The following NEBL variants were observed in gnomAD, a reference collection of about 807,000 sequenced individuals.
NEBL encodes the protein nebulette.
NEBL carries 122 observed loss-of-function variants against 140.2 expected under a neutral mutation model. The observed-to-expected ratio is 0.87, with a 90% confidence interval of 0.75 to 1.01. NEBL has a LOEUF of 1.01. Ranked by LOEUF, NEBL falls within the 50% of genes least tolerant of loss-of-function variation. The pLI is 0.00. For missense variants in NEBL, 1,365 were observed against 1,231.3 expected, an observed-to-expected ratio of 1.11 and a Z score of -1.62; for synonymous variants, 436 against 398.9, an observed-to-expected ratio of 1.09 and a Z score of -1.11.
rs181733735 is a variant in NEBL, at chr10:20,909,632, T to C, written c.357+52040A>G. On this transcript the variant is annotated intron_variant, in intron 4 of 6. Coordinates refer to the NEBL transcript ENST00000417816. ...GAATATAGTAAATGCTAATTGAAAA[T>C]AGTATTATAGTAGTGACTTTTATAC... Among the ~76,000 whole-genome samples, 12 of 152,302 alleles carry C rather than the reference T, an allele frequency of 7.9e-5. 1 individual carries two copies. Among genetic ancestry groups the C allele is most frequent in the African/African-American group, 2.6e-4 (11 of 41,578 alleles).
In NEBL at chr10:20,889,975, G is replaced by T. The variant is rs189605629; in HGVS notation, c.154-26C>A. On this transcript the variant is annotated intron_variant, in intron 2 of 27. Transcript: ENST00000377122. ...CTAAAAAAGAGAATGATTTACATAA[G>T]AAGAGAAAAAGAAAAACAATTCTAA... 6.9e-6 allele frequency: 10 copies of T among 1,455,922 alleles called. No homozygotes were observed. The African/African-American group carries it at 9.8e-5, about 14-fold the overall frequency. 90.2% of individuals were successfully genotyped at this position (1,455,922 alleles called of 1,614,324 possible).
chr10:21,093,382 G>C (rs1837016171), intron 2 of NEBL, among the ~76,000 whole-genome samples: 1 of 152,094 alleles, frequency 6.6e-6, no homozygotes, highest in Admixed American at 6.6e-5. Context: ...GGAGAAGGGA[G>C]ACTGTCATCT....
intron 2 of NEBL, among the ~76,000 whole-genome samples, chr10:21,102,300 T>C (rs928775744): frequency 6.6e-6 from 1 of 152,192 alleles, no homozygotes; most frequent in Middle Eastern, 3.2e-3. Context: ...ATAATGCATA[T>C]ATTTAGAGTG....
In NEBL at chr10:20,888,167, G is replaced by C. The variant is rs1846693156; in HGVS notation, c.299C>G (p.Ser100Cys). 1.2e-6 allele frequency: 2 copies of C among 1,613,568 alleles called. No homozygotes were observed. Among genetic ancestry groups the C allele is most frequent in the African/African-American group, 2.7e-5 (2 of 74,828 alleles). ...TGTGGCTGGCATCCGCTTATAAAGAGAATTAGAAAGGTCAGCTTTAATGGT... is the reference window on the plus strand; with the variant it reads ...TGTGGCTGGCATCCGCTTATAAAGACAATTAGAAAGGTCAGCTTTAATGGT... ...KGTIKADLSNSLYKRMPATID... is the reference protein window; with the variant it reads ...KGTIKADLSNCLYKRMPATID... The change falls in exon 4 of 28, where the codon TCT becomes TGT. Residue 100 changes from serine (S) to cysteine (C), a missense_variant. Ser to Cys is a moderately radical substitution (Grantham distance 112, BLOSUM62 -1). This residue lies in a region of NEBL where 1,323 missense variants were observed against 1,154.8 expected (regional missense o/e 1.15). Transcript: ENST00000377122.
intron 3 of NEBL, among the ~76,000 whole-genome samples, chr10:21,000,673 G>T (rs1837857995): frequency 6.6e-6 from 1 of 152,126 alleles, no homozygotes; most frequent in African/African-American, 2.4e-5. Context: ...AATACTTACT[G>T]CAAACAGAAA....
chr10:20,895,323 A>T lies in NEBL; in HGVS notation c.153+1635T>A, dbSNP rs567111580. ...GGTAGCATTACTACTAATAATAGTA[A>T]CATAATAATAATAAGGCGAAGAACA... is the stretch of plus-strand genomic sequence containing the variant. On this transcript the variant is annotated intron_variant, in intron 2 of 27. Coordinates refer to ENST00000377122, the MANE Select transcript of NEBL (RefSeq NM_006393.3). 3.4e-3 allele frequency among the ~76,000 whole-genome samples: 520 copies of T among 151,848 alleles called. 2 individuals are homozygous for T. The highest frequency in any genetic ancestry group is 4.4e-3 in the African/African-American group (179 of 41,120).
intron 3 of NEBL, among the ~76,000 whole-genome samples, chr10:21,237,817 G>C (rs978380315): frequency 1.3e-5 from 2 of 151,894 alleles, no homozygotes; most frequent in African/African-American, 2.4e-5. Context: ...ATGTTGGCTG[G>C]GCTGGTCTCG....
At chr10:21,156,718 T>C (rs1840350623) in intron 2 of NEBL, among the ~76,000 whole-genome samples, 1 of 152,030 alleles carries the variant, frequency 6.6e-6, no homozygotes, top group African/African-American at 2.4e-5. Context: ...ATAAAAGAAG[T>C]TTTAAGAAAG....
intron 26 of NEBL, among the ~76,000 whole-genome samples, chr10:20,805,699 A>T (rs1245336556): frequency 6.6e-6 from 1 of 152,062 alleles, no homozygotes; most frequent in Non-Finnish European, 1.5e-5. Context: ...CTAAAAATAC[A>T]AAAATTAGCC....
chr10:20,808,531 T>A lies in NEBL; in HGVS notation c.2740A>T (p.Thr914Ser), dbSNP rs1369499702. 1 of 1,614,004 alleles carries A rather than the reference T, an allele frequency of 6.2e-7. No homozygotes were observed. ...YPSFSCCSEV[T>S]RPSDEGAPVL... ...ATACCTCCTTCATCAGACGGTCTTG[T>A]TACCTCACTGCAGCATGAAAAGCTA... The change falls in exon 26 of 28, where the codon ACA becomes TCA. Residue 914 changes from threonine (T) to serine (S), a missense_variant. By Grantham distance (58) the Thr-to-Ser change is moderately conservative (BLOSUM62 1). Transcript: ENST00000377122.
chr10:21,142,462 G>C (rs1839675071), intron 2 of NEBL, among the ~76,000 whole-genome samples: 1 of 152,098 alleles, frequency 6.6e-6, no homozygotes, highest in South Asian at 2.1e-4. Flanking sequence ...GGGCAAACAA[G>C]CGAGCACAGG....
At chr10:20,852,137 C>T (rs1380772429) in intron 10 of NEBL, among the ~76,000 whole-genome samples, 1 of 151,946 alleles carries the variant, frequency 6.6e-6, no homozygotes, top group Non-Finnish European at 1.5e-5. Flanking sequence ...ATATTGTATT[C>T]CCTTTTAATA....
chr10:21,066,601 T>C (rs1396176703), intron 2 of NEBL, among the ~76,000 whole-genome samples: 2 of 152,180 alleles, frequency 1.3e-5, no homozygotes, highest in Non-Finnish European at 2.9e-5. Context: ...CAGAGAATCA[T>C]TAATAATGGA....
At chr10:21,025,911 ATAT>A (rs1839009427) in intron 2 of NEBL, among the ~76,000 whole-genome samples, 1 of 152,188 alleles carries the variant, frequency 6.6e-6, no homozygotes, top group African/African-American at 2.4e-5. Flanking sequence ...ATTACTTATA[ATAT>A]TATTATCACT....
chr10:21,124,422 T>C (rs975214855), intron 2 of NEBL, among the ~76,000 whole-genome samples: 7 of 152,324 alleles, frequency 4.6e-5, no homozygotes, highest in African/African-American at 1.7e-4. Context: ...TAATCAGGCC[T>C]GGGCCTTTTT....
At chr10:21,121,369 T>C (rs902653108) in intron 2 of NEBL, among the ~76,000 whole-genome samples, 1 of 152,100 alleles carries the variant, frequency 6.6e-6, no homozygotes, top group Non-Finnish European at 1.5e-5. Flanking sequence ...TTGAGTTCCA[T>C]CCTACCAAAA....
chr10:21,015,917 C>G (rs1277916572), intron 3 of NEBL, among the ~76,000 whole-genome samples: 1 of 152,192 alleles, frequency 6.6e-6, no homozygotes, highest in Non-Finnish European at 1.5e-5. Context: ...GTTTCTAAGT[C>G]AGGGCTTTGG....
intron 4 of NEBL, among the ~76,000 whole-genome samples, chr10:20,950,269 T>G (rs1423085652): frequency 6.6e-6 from 1 of 152,178 alleles, no homozygotes; most frequent in East Asian, 1.9e-4. Context: ...AGTCAATAAT[T>G]AAGATCTCAA....
chr10:20,889,213 C>T (rs1298187060), intron 3 of NEBL, among the ~76,000 whole-genome samples: 1 of 152,172 alleles, frequency 6.6e-6, no homozygotes, highest in Non-Finnish European at 1.5e-5. Context: ...ACAGTAATGC[C>T]TCACCACAGA....
Sources: allele counts gnomAD v4.1 joint callset (sites outside exome capture counted in the v4.1 genomes callset), GRCh38; gene constraint gnomAD v4.1.1; regional missense constraint gnomAD v4.1.1; transcripts MANE v1.5; gene names NCBI Gene and HGNC (gene_info 2026-07-23, HGNC 2026-07-21).